Variants in WWOX observed in about 807,000 individuals in gnomAD.
The protein encoded by WWOX is WW domain-containing oxidoreductase.
Under a neutral mutation model 46.2 loss-of-function variants are expected in WWOX, and 69 were observed. That is an observed-to-expected ratio of 1.49 (90% CI 1.23 to 1.82). WWOX has a LOEUF of 1.82. WWOX is among the 40% of genes most tolerant of loss of function. The probability of loss-of-function intolerance (pLI) is 0.00; values close to 1 mark genes in which losing one functional copy is unlikely to be tolerated. For missense variants in WWOX, 919 were observed against 542.6 expected (o/e 1.69, Z -6.89); for synonymous variants, 359 against 202.6 (o/e 1.77, Z -6.56).
At position 78,969,043 on chromosome 16, in the gene WWOX, C is replaced by G. The variant is rs189402222; in HGVS notation, c.1057-242565C>G. ...CGGGGAGTGGCTCAGCTACCAGGCT[C>G]CAGTGGCCCTTGTCTTGTTATTTCC... On this transcript the variant is annotated intron_variant, in intron 8 of 8. Transcript: ENST00000566780. 2.0e-3 allele frequency among the ~76,000 whole-genome samples: 312 copies of G among 152,220 alleles called. 1 individual carries two copies. The highest frequency in any genetic ancestry group is 6.9e-3 in the African/African-American group (286 of 41,550).
At chr16:78,731,862 T>TTTTTTTTTTTTG (rs34201735) in intron 8 of WWOX, among the ~76,000 whole-genome samples, 5 of 137,794 alleles carry the variant, frequency 3.6e-5, no homozygotes, top group Admixed American at 7.3e-5. Flanking sequence ...TTTTTTTTTT[T>TTTTTTTTTTTTG]TGAGAGACAG....
At chr16:78,657,275 C>A (rs757996775) in intron 8 of WWOX, among the ~76,000 whole-genome samples, 2 of 152,156 alleles carry the variant, frequency 1.3e-5, no homozygotes, top group Non-Finnish European at 2.9e-5. Flanking sequence ...AGACGCTCTT[C>A]TCTGGCTTCC....
At chr16:78,374,293 G>A (rs962805038) in intron 5 of WWOX, among the ~76,000 whole-genome samples, 2 of 151,962 alleles carry the variant, frequency 1.3e-5, no homozygotes, top group African/African-American at 4.8e-5. Context: ...GTTATTTAAT[G>A]TCTATCATTC....
intron 8 of WWOX, among the ~76,000 whole-genome samples, chr16:79,200,391 G>A (rs775693960): frequency 2.6e-5 from 4 of 152,166 alleles, no homozygotes; most frequent in African/African-American, 9.7e-5. Flanking sequence ...AGAGTATGGA[G>A]TTAGAACATT....
At chr16:78,868,988 C>A (rs535561047) in intron 8 of WWOX, among the ~76,000 whole-genome samples, 11 of 151,992 alleles carry the variant, frequency 7.2e-5, no homozygotes, top group African/African-American at 2.4e-4. Context: ...CACATGCATG[C>A]GATCTGTAAA....
At chr16:78,599,284 G>T (rs978438672) in intron 8 of WWOX, among the ~76,000 whole-genome samples, 1 of 152,138 alleles carries the variant, frequency 6.6e-6, no homozygotes, top group African/African-American at 2.4e-5. Context: ...TGAACCTCCG[G>T]GATCTCTCAG....
intron 4 of WWOX, among the ~76,000 whole-genome samples, chr16:78,159,924 G>C (rs763327553): frequency 7.3e-5 from 11 of 151,660 alleles, no homozygotes; most frequent in Non-Finnish European, 1.0e-4. Context: ...CCTGATATTG[G>C]TTGTTCAAGC....
intron 8 of WWOX, among the ~76,000 whole-genome samples, chr16:78,734,992 G>C (rs1415547475): frequency 1.3e-5 from 2 of 150,670 alleles, no homozygotes; most frequent in Non-Finnish European, 3.0e-5. Context: ...CAGCCTTCCC[G>C]AGTAGCTGGG....
chr16:78,869,283 A>G (rs560641687), intron 8 of WWOX, among the ~76,000 whole-genome samples: 1 of 152,182 alleles, frequency 6.6e-6, no homozygotes, highest in Non-Finnish European at 1.5e-5. Context: ...TAGGGGTTAG[A>G]AGGGGATCAA....
At position 79,041,351 on chromosome 16, in the gene WWOX, G is replaced by C. The variant is rs929261040; in HGVS notation, c.1057-170257G>C. ...TTCTCTCTGAGCTCACCCTCTCTAG[G>C]AAGCCTTCCTTGCTGGAATGCCCAT... On this transcript the variant is annotated intron_variant, in intron 8 of 8. Transcript: ENST00000566780. 2.0e-5 allele frequency among the ~76,000 whole-genome samples: 3 copies of C among 152,114 alleles called. No individual in the cohort carries two copies. In the South Asian group the frequency reaches 6.2e-4, roughly 32 times the overall value.
At chr16:78,572,550 C>T (rs1175651497) in intron 8 of WWOX, among the ~76,000 whole-genome samples, 1 of 139,320 alleles carries the variant, frequency 7.2e-6, no homozygotes, top group Non-Finnish European at 1.5e-5. Flanking sequence ...CTGCAGTGAG[C>T]CATGATTGTA....
chr16:78,268,721 T>C (rs1199521067), intron 5 of WWOX, among the ~76,000 whole-genome samples: 1 of 152,228 alleles, frequency 6.6e-6, no homozygotes, highest in African/African-American at 2.4e-5. Flanking sequence ...AGAAATAAGC[T>C]AAGCAAATAA....
rs113076682 is a variant in WWOX, at chr16:78,650,966, C to G, written c.1056+218214C>G. ...CCTAAAACCTTATCGTAATGTGATTCTCCTTAACAGAGGGATTCGTAAGCT... is the reference window on the plus strand; with the variant it reads ...CCTAAAACCTTATCGTAATGTGATTGTCCTTAACAGAGGGATTCGTAAGCT... On this transcript the variant is annotated intron_variant, in intron 8 of 8. Transcript: ENST00000566780. 1.0e-2 allele frequency among the ~76,000 whole-genome samples: 1,518 copies of G among 152,342 alleles called. 22 individuals are homozygous for G. The highest frequency in any genetic ancestry group is 0.034 in the African/African-American group (1,425 of 41,576).
intron 8 of WWOX, among the ~76,000 whole-genome samples, chr16:78,926,951 G>T (rs550038234): frequency 1.3e-5 from 2 of 152,166 alleles, no homozygotes; most frequent in African/African-American, 4.8e-5. Flanking sequence ...CACCAGCAAT[G>T]ACACCTGCCT....
rs59881601 is a variant in WWOX, at chr16:78,388,645, C to CAAAAA, written c.605+1725_605+1729dup. ...CTGGCGACAGATTGAGACTCCGTCT[C>CAAAAA]AAAAAAAAAAAAAAAAAAAAAAAAA... is the stretch of plus-strand genomic sequence containing the variant. On this transcript the variant is annotated intron_variant, in intron 6 of 8. Transcript: ENST00000566780. Among the ~76,000 whole-genome samples, 51 of 53,046 alleles carry CAAAAA rather than the reference C, an allele frequency of 9.6e-4. 2 individuals are homozygous for CAAAAA. The highest frequency in any genetic ancestry group is 6.2e-3 in the Admixed American group (23 of 3,702). 34.8% of individuals were successfully genotyped at this position (53,046 alleles called of 152,430 possible).
intron 8 of WWOX, among the ~76,000 whole-genome samples, chr16:78,853,412 C>T (rs2052496052): frequency 2.0e-5 from 3 of 152,144 alleles, no homozygotes; most frequent in African/African-American, 2.4e-5. Flanking sequence ...AGGGTTTTGC[C>T]ACGTTAACCA....
At chr16:78,332,033 C>G (rs2030762139) in intron 5 of WWOX, among the ~76,000 whole-genome samples, 1 of 152,180 alleles carries the variant, frequency 6.6e-6, no homozygotes, top group African/African-American at 2.4e-5. Context: ...CATTTAGCTG[C>G]TCTCAGGGAG....
chr16:78,227,213 TA>T (rs1788271908), intron 5 of WWOX, among the ~76,000 whole-genome samples: 2 of 152,242 alleles, frequency 1.3e-5, no homozygotes, highest in African/African-American at 4.8e-5. Flanking sequence ...ACCCTAAGTT[TA>T]CCTCTTGCGA....
intron 8 of WWOX, among the ~76,000 whole-genome samples, chr16:78,635,320 A>G (rs545315470): frequency 2.2e-4 from 33 of 152,238 alleles, no homozygotes; most frequent in African/African-American, 7.9e-4. Context: ...AAAAAGCCTG[A>G]GGAAGGATGG....
Sources: gnomAD v4.1 joint callset for allele counts (sites outside exome capture counted in the v4.1 genomes callset) on GRCh38, gnomAD v4.1.1 for gene constraint, MANE v1.5 for transcripts, NCBI Gene and HGNC (gene_info 2026-07-23, HGNC 2026-07-21) for gene names.